Variants in LRRC4C observed in about 807,000 individuals in gnomAD.
LRRC4C encodes the protein leucine-rich repeat-containing protein 4C.
LRRC4C carries 5 observed loss-of-function variants against 33.6 expected under a neutral mutation model. The ratio of observed to expected loss-of-function variants is 0.15; its 90% CI spans 0.08 to 0.31. The LOEUF is 0.31. Ranked by LOEUF, LRRC4C falls within the 10% of genes least tolerant of loss-of-function variation. LRRC4C has a pLI of 1.00. For missense variants in LRRC4C, 560 were observed against 796.7 expected (o/e 0.70, Z 3.58); for synonymous variants, 329 against 302.0 (o/e 1.09, Z -0.93).
chr11:41,185,612 G>A (rs1486707156), intron 1 of LRRC4C, among the ~76,000 whole-genome samples: 1 of 152,152 alleles, frequency 6.6e-6, no homozygotes, highest in Non-Finnish European at 1.5e-5. Context: ...AAAAGGTTGG[G>A]AAGGGCAGGT....
chr11:41,335,827 AT>A lies in LRRC4C; in HGVS notation c.-496+123603del, dbSNP rs1197768789. On this transcript the variant is annotated intron_variant, in intron 1 of 6. Coordinates refer to ENST00000528697, the MANE Select transcript of LRRC4C (RefSeq NM_001258419.2). ...TCTCCAAGCTTCTTTTTGGTATTGT[AT>A]TTTATTTAAATTTGCACAAGTATGT... Among the ~76,000 whole-genome samples the A allele has an allele frequency of 6.6e-5, 10 of 152,096 alleles. No homozygotes were observed. In the East Asian group the frequency reaches 1.9e-3, roughly 29 times the overall value.
intron 4 of LRRC4C, among the ~76,000 whole-genome samples, chr11:40,273,930 A>T (rs1942897037): frequency 6.6e-6 from 1 of 152,082 alleles, no homozygotes; most frequent in Non-Finnish European, 1.5e-5. Context: ...GAGGATTTCA[A>T]CCAAGAGTTT....
At chr11:41,425,195 A>C (rs1233323578) in intron 1 of LRRC4C, among the ~76,000 whole-genome samples, 1 of 152,056 alleles carries the variant, frequency 6.6e-6, no homozygotes, top group African/African-American at 2.4e-5. Flanking sequence ...TCGGTGCATC[A>C]AATTAATCTC....
intron 2 of LRRC4C, among the ~76,000 whole-genome samples, chr11:40,824,416 T>C (rs1406896400): frequency 2.0e-5 from 3 of 151,800 alleles, no homozygotes; most frequent in Non-Finnish European, 4.4e-5. Context: ...AGTAGGAAAG[T>C]GTCTTAATTC....
chr11:40,538,480 G>C (rs983236254), intron 3 of LRRC4C, among the ~76,000 whole-genome samples: 1 of 152,090 alleles, frequency 6.6e-6, no homozygotes, highest in Non-Finnish European at 1.5e-5. Context: ...TTTTGTGGCT[G>C]CTTAGTATTC....
chr11:40,802,003 C>A (rs563703146), intron 2 of LRRC4C, among the ~76,000 whole-genome samples: 2 of 152,308 alleles, frequency 1.3e-5, no homozygotes, highest in Admixed American at 1.3e-4. Context: ...GACTACACAT[C>A]CACCAGGCTT....
intron 2 of LRRC4C, among the ~76,000 whole-genome samples, chr11:40,826,385 A>G (rs1193458334): frequency 6.6e-6 from 1 of 151,994 alleles, no homozygotes; most frequent in African/African-American, 2.4e-5. Context: ...TACTGTGAAT[A>G]GAGTCCTGAT....
intron 1 of LRRC4C, among the ~76,000 whole-genome samples, chr11:41,148,868 C>A (rs764646113): frequency 3.3e-5 from 5 of 152,160 alleles, no homozygotes; most frequent in Non-Finnish European, 5.9e-5. Context: ...ATCTGGCATA[C>A]AATGATAATT....
chr11:40,425,775 C>T (rs1156265381), intron 3 of LRRC4C, among the ~76,000 whole-genome samples: 1 of 152,206 alleles, frequency 6.6e-6, no homozygotes, highest in African/African-American at 2.4e-5. Context: ...TAAACTCTTT[C>T]TCATGTCAGA....
intron 1 of LRRC4C, among the ~76,000 whole-genome samples, chr11:41,297,665 G>T (rs1486020598): frequency 6.6e-6 from 1 of 152,024 alleles, no homozygotes; most frequent in East Asian, 1.9e-4. Flanking sequence ...AATACTCTCT[G>T]CCTGTTTACT....
intron 2 of LRRC4C, among the ~76,000 whole-genome samples, chr11:40,909,696 T>C (rs185087201): frequency 4.3e-4 from 66 of 152,304 alleles, no homozygotes; most frequent in African/African-American, 1.6e-3. Flanking sequence ...CCATGACTCA[T>C]ATCTTTTGAC....
Position 41,007,182 on chromosome 11 carries a change from T to C in LRRC4C, c.-495-73459A>G, listed in dbSNP as rs79179708. The stretch of plus-strand genomic sequence containing the variant: ...CAAGTAAAAATCTAGAAAATATTTA[T>C]ATTACGTTCCATCGAGAGAGAATCA... On this transcript the variant is annotated intron_variant, in intron 1 of 6. Transcript: ENST00000528697. Among the ~76,000 whole-genome samples the C allele has an allele frequency of 6.4e-3, 976 of 152,106 alleles. 16 individuals carry two copies. The highest frequency in any genetic ancestry group is 0.041 in the East Asian group (213 of 5,172).
chr11:40,556,386 T>C (rs1957333742), intron 3 of LRRC4C, among the ~76,000 whole-genome samples: 1 of 152,194 alleles, frequency 6.6e-6, no homozygotes, highest in Admixed American at 6.5e-5. Context: ...AGAGACAGAA[T>C]GTAGAAAGAG....
intron 4 of LRRC4C, among the ~76,000 whole-genome samples, chr11:40,304,633 G>A (rs1010835440): frequency 2.0e-5 from 3 of 152,032 alleles, no homozygotes; most frequent in African/African-American, 7.2e-5. Context: ...TTCATTCAAA[G>A]GCATCTTATT....
In LRRC4C at chr11:41,034,146, C is replaced by T. The variant is rs575724288; in HGVS notation, c.-495-100423G>A. 2.6e-4 allele frequency among the ~76,000 whole-genome samples: 39 copies of T among 152,032 alleles called. 1 individual carries two copies. In the South Asian group the frequency reaches 7.5e-3, roughly 29 times the overall value. ...GATTAATGGAATAAGGAGGGCTCTG[C>T]CCTCTTTAATGGATTACTGTTGCTA... On this transcript the variant is annotated intron_variant, in intron 1 of 6. Transcript: ENST00000528697.
intron 2 of LRRC4C, among the ~76,000 whole-genome samples, chr11:40,921,414 A>G (rs1401732228): frequency 6.6e-6 from 1 of 152,196 alleles, no homozygotes; most frequent in Admixed American, 6.5e-5. Context: ...GCTGACAGCC[A>G]GCCAGGAGAA....
chr11:41,262,757 G>T (rs896074627), intron 1 of LRRC4C, among the ~76,000 whole-genome samples: 17 of 152,080 alleles, frequency 1.1e-4, no homozygotes, highest in Non-Finnish European at 2.9e-5. Context: ...AATAGCTTCT[G>T]TGTACCCACC....
At chr11:40,237,686 T>TA (rs1362107136) in intron 5 of LRRC4C, among the ~76,000 whole-genome samples, 1 of 152,168 alleles carries the variant, frequency 6.6e-6, no homozygotes, top group Non-Finnish European at 1.5e-5. Flanking sequence ...GTTTTTAAAC[T>TA]AAAAAATGAA....
At chr11:40,456,234 C>CA in intron 3 of LRRC4C, among the ~76,000 whole-genome samples, 1 of 151,986 alleles carries the variant, frequency 6.6e-6, no homozygotes, top group Non-Finnish European at 1.5e-5. Context: ...AAGCAAGAAG[C>CA]AAAATCAACC....
Sources: allele counts gnomAD v4.1 joint callset (sites outside exome capture counted in the v4.1 genomes callset), GRCh38; gene constraint gnomAD v4.1.1; transcripts MANE v1.5; gene names NCBI Gene and HGNC (gene_info 2026-07-23, HGNC 2026-07-21).